Variants in LAMA4 observed in about 807,000 individuals in gnomAD.
LAMA4 encodes the protein laminin subunit alpha-4.
Under a neutral mutation model 207.1 loss-of-function variants are expected in LAMA4, and 127 were observed. The ratio of observed to expected loss-of-function variants is 0.61; its 90% confidence interval spans 0.53 to 0.71. The LOEUF (loss-of-function observed/expected upper bound fraction) is 0.71, where lower values mean the gene tolerates loss of function less well. Ranked by LOEUF, LAMA4 falls within the 30% of genes least tolerant of loss-of-function variation. The pLI is 0.00. For missense variants in LAMA4, 2,093 were observed against 2,246.5 expected, an observed-to-expected ratio of 0.93 and a Z score of 1.38; for synonymous variants, 761 against 816.0, an observed-to-expected ratio of 0.93 and a Z score of 1.15.
chr6:112,185,327 T>C lies in LAMA4; in HGVS notation c.987A>G (p.Glu329=), dbSNP rs1554346358. 3 of 1,611,354 alleles carry C rather than the reference T, an allele frequency of 1.9e-6. No individual in the cohort carries two copies. Among genetic ancestry groups the C allele is most frequent in the Non-Finnish European group, 2.5e-6 (3 of 1,177,554 alleles). The change falls in exon 9 of 39, where the codon GAA becomes GAG. Residue 329 remains glutamate, a synonymous_variant. Coordinates refer to ENST00000230538, the MANE Select transcript of LAMA4 (RefSeq NM_001105206.3). ...GTATCTTTCTTAGGGCGTATTGGTT[T>C]TCTCTTTCTGACAATTTTGTCTGCA... is the stretch of plus-strand genomic sequence containing the variant. The part of the protein sequence containing the change: ...YLLKTKLSER[E]NQYALRKIQI...
At chr6:112,235,168 C>A (rs1328977231) in intron 2 of LAMA4, among the ~76,000 whole-genome samples, 2 of 152,138 alleles carry the variant, frequency 1.3e-5, no homozygotes, top group Admixed American at 6.5e-5. Flanking sequence ...TGGGGCTGCC[C>A]CAAACCCCTG....
intron 3 of LAMA4, among the ~76,000 whole-genome samples, chr6:112,209,702 T>C (rs1279160513): frequency 6.6e-6 from 1 of 152,226 alleles, no homozygotes; most frequent in African/African-American, 2.4e-5. Context: ...CTTCTAGCTC[T>C]GATAATTTTT....
chr6:112,186,899 C>T (rs1554346813), intron 8 of LAMA4: 1 of 455,446 alleles, frequency 2.2e-6, no homozygotes, highest in Non-Finnish European at 4.4e-6. Context: ...TAGGTATTAA[C>T]CAGTAGAGCT....
intron 2 of LAMA4, among the ~76,000 whole-genome samples, chr6:112,222,614 A>G (rs1784984546): frequency 6.6e-6 from 1 of 152,174 alleles, no homozygotes; most frequent in African/African-American, 2.4e-5. Flanking sequence ...AGACAGGGTT[A>G]TCACATGTTT....
intron 17 of LAMA4, 194 bp downstream of exon 17, chr6:112,150,317 T>C (rs1780316418): frequency 4.8e-6 from 3 of 627,562 alleles, no homozygotes; most frequent in Non-Finnish European, 8.6e-6. Flanking sequence ...CGTGGTGTGA[T>C]TACAGCATTT....
chr6:112,254,561 C>T lies in LAMA4; in HGVS notation c.-244G>A. ...ACTGGGGACTGCGCTGTCCTGGCTT[C>T]CTTCTCACATTCATTCTCACCACTC... is the stretch of plus-strand genomic sequence containing the variant. On this transcript the variant is annotated 5_prime_UTR_variant, in exon 1 of 39. Transcript: ENST00000230538. 3.6e-6 allele frequency: 1 copy of T among 276,998 alleles called. No homozygotes were observed. The highest frequency in any genetic ancestry group is 7.0e-6 in the Non-Finnish European group (1 of 142,854). The allele number at this position is 276,998 out of a possible 1,614,324, so 17.2% of individuals were successfully genotyped here.
intron 13 of LAMA4, among the ~76,000 whole-genome samples, chr6:112,163,570 G>A (rs1285766985): frequency 6.6e-6 from 1 of 152,018 alleles, no homozygotes; most frequent in African/African-American, 2.4e-5. Context: ...CAGGCGGGTC[G>A]CTGGTGACCT....
intron 3 of LAMA4, 100 bp from the exon 4 acceptor site, chr6:112,207,245 T>C: frequency 7.6e-7 from 1 of 1,317,850 alleles, no homozygotes; most frequent in Non-Finnish European, 1.1e-6. Flanking sequence ...AAAAGGGACA[T>C]CAGATCAGAC....
rs782278061 is a variant in LAMA4, at chr6:112,155,650, T to C, written c.1874A>G (p.Asn625Ser). ...ATAATTAACAATATTTTCATAGACA[T>C]TTGATGCATCCAAAGCCTTCTGTAC... The part of the protein sequence containing the change: ...GLVQKALDAS[N>S]VYENIVNYVS... The change falls in exon 15 of 39, where the codon AAT becomes AGT. Residue 625 changes from asparagine to serine, a missense_variant. Coordinates refer to ENST00000230538, the MANE Select transcript of LAMA4 (RefSeq NM_001105206.3). 3.7e-6 allele frequency: 6 copies of C among 1,613,998 alleles called. No individual in the cohort carries two copies. In the South Asian group the frequency reaches 4.4e-5, roughly 12 times the overall value.
intron 27 of LAMA4, 85 bp downstream of exon 27, chr6:112,133,264 G>A (rs1779147497): frequency 7.0e-7 from 1 of 1,431,426 alleles, no homozygotes; most frequent in Admixed American, 1.7e-5. Context: ...CCTAGGATCA[G>A]AGAGAAGCTG....
At chr6:112,158,701 G>A in intron 14 of LAMA4, 31 bp downstream of exon 14, 1 of 1,584,768 alleles carries the variant, frequency 6.3e-7, no homozygotes, top group Non-Finnish European at 8.7e-7. Flanking sequence ...ACCCCATGTA[G>A]ATATTTGCAT....
intron 12 of LAMA4, among the ~76,000 whole-genome samples, chr6:112,169,521 T>C (rs565713751): frequency 9.9e-5 from 15 of 152,104 alleles, no homozygotes; most frequent in African/African-American, 3.6e-4. Context: ...AGCAGTGAGA[T>C]TGGGTGAAGT....
intron 16 of LAMA4, among the ~76,000 whole-genome samples, chr6:112,151,406 T>C (rs778376270): frequency 6.6e-6 from 1 of 152,190 alleles, no homozygotes; most frequent in East Asian, 1.9e-4. Flanking sequence ...CCATATAAAT[T>C]CTAGAATATT....
In LAMA4 at chr6:112,108,600, A is replaced by T. The variant is rs184701179; in HGVS notation, c.*837T>A. 1.3e-5 allele frequency among the ~76,000 whole-genome samples: 2 copies of T among 152,258 alleles called. No individual in the cohort carries two copies. The highest frequency in any genetic ancestry group is 1.3e-4 in the Admixed American group (2 of 15,298). ...GTACAAATTTTTTTGCAGAGATGGG[A>T]TCTCATTATGTTGCCCAGGCTAGGA... is the stretch of plus-strand genomic sequence containing the variant. On this transcript the variant is annotated 3_prime_UTR_variant, in exon 39 of 39. Coordinates refer to ENST00000230538, the MANE Select transcript of LAMA4 (RefSeq NM_001105206.3).
intron 2 of LAMA4, among the ~76,000 whole-genome samples, chr6:112,246,595 A>G (rs1786952500): frequency 6.8e-6 from 1 of 148,100 alleles, no homozygotes; most frequent in African/African-American, 2.5e-5. Context: ...ATCTCCGCTC[A>G]CTGCAACCTC....
intron 2 of LAMA4, among the ~76,000 whole-genome samples, chr6:112,232,800 T>C (rs922651830): frequency 6.6e-6 from 1 of 152,166 alleles, no homozygotes; most frequent in African/African-American, 2.4e-5. Flanking sequence ...ATAATACACA[T>C]TTATGAAAGG....
At chr6:112,218,352 A>T (rs1449279561) in intron 2 of LAMA4, 2 of 152,210 alleles carry the variant, frequency 1.3e-5, no homozygotes, top group African/African-American at 4.8e-5. Context: ...TTTACAGAAA[A>T]ATTGTGAAGG....
At chr6:112,244,121 A>C (rs545041797) in intron 2 of LAMA4, among the ~76,000 whole-genome samples, 1 of 152,334 alleles carries the variant, frequency 6.6e-6, no homozygotes, top group East Asian at 1.9e-4. Flanking sequence ...AAAGAACATA[A>C]GGCAAAAAGT....
intron 31 of LAMA4, among the ~76,000 whole-genome samples, chr6:112,124,460 A>T (rs909989129): frequency 2.6e-5 from 4 of 152,216 alleles, no homozygotes; most frequent in Non-Finnish European, 1.5e-5. Flanking sequence ...CTGCAGATAC[A>T]CATTCACACT....
Sources: gnomAD v4.1 joint callset for allele counts (sites outside exome capture counted in the v4.1 genomes callset) on GRCh38, gnomAD v4.1.1 for gene constraint, MANE v1.5 for transcripts, NCBI Gene and HGNC (gene_info 2026-07-23, HGNC 2026-07-21) for gene names.